STK3: variants seen among roughly 807,000 people sequenced by gnomAD.
STK3 encodes serine/threonine-protein kinase 3.
In STK3, 41 loss-of-function variants were observed where a neutral mutation model predicts 58.0. The ratio of observed to expected loss-of-function variants is 0.71; its 90% CI spans 0.55 to 0.92. The LOEUF (loss-of-function observed/expected upper bound fraction) is 0.92. Among genes scored for constraint, STK3 ranks in the 40% least tolerant of loss-of-function variants. The pLI, the probability that STK3 is intolerant of heterozygous loss-of-function variation, is 0.00. For missense variants in STK3, 479 were observed against 602.7 expected, an observed-to-expected ratio of 0.79 and a Z score of 2.15; for synonymous variants, 170 against 191.0, an observed-to-expected ratio of 0.89 and a Z score of 0.91.
At position 98,730,969 on chromosome 8, in the gene STK3, A is replaced by G. The variant is rs994815822; in HGVS notation, c.351+18307T>C. 1.8e-4 allele frequency among the ~76,000 whole-genome samples: 27 copies of G among 152,138 alleles called. 1 individual carries two copies. The highest frequency in any genetic ancestry group is 1.6e-3 in the Admixed American group (25 of 15,276). On this transcript the variant is annotated intron_variant, in intron 4 of 10. Transcript: ENST00000419617. ...ACTCTTGCACAGGCCCCACTATACA[A>G]TTGTGCCAAGATTTCTCAAAAGTAC...
At chr8:98,699,425 G>A (rs1292268017) in intron 6 of STK3, among the ~76,000 whole-genome samples, 3 of 151,672 alleles carry the variant, frequency 2.0e-5, no homozygotes, top group African/African-American at 4.8e-5. Context: ...TCCTTTGGAG[G>A]AGGAGAGGCA....
chr8:98,355,106 T>C, the STK3 span, among the ~76,000 whole-genome samples: 1 of 152,298 alleles, frequency 6.6e-6, no homozygotes, highest in Non-Finnish European at 1.5e-5. Context: ...TCAATAGGAA[T>C]CTTCCAGACT....
intron 1 of STK3, among the ~76,000 whole-genome samples, chr8:98,926,585 G>A (rs570680833): frequency 6.6e-6 from 1 of 152,150 alleles, no homozygotes; most frequent in Non-Finnish European, 1.5e-5. Context: ...CTATAATGCA[G>A]TAATATGGAC....
chr8:98,509,011 G>C (rs780120296), intron 10 of STK3, among the ~76,000 whole-genome samples: 1 of 151,920 alleles, frequency 6.6e-6, no homozygotes, highest in South Asian at 2.1e-4. Flanking sequence ...TTCAAAACTC[G>C]ACCCACATTT....
the STK3 span, among the ~76,000 whole-genome samples, chr8:98,347,043 AAGG>A: frequency 2.6e-5 from 4 of 151,876 alleles, no homozygotes; most frequent in African/African-American, 9.7e-5. Context: ...AAGCCCATAA[AAGG>A]AGAAGTGGAA....
At chr8:98,446,317 A>G (rs941799307) in intron 1 of STK3, among the ~76,000 whole-genome samples, 19 of 152,354 alleles carry the variant, frequency 1.2e-4, no homozygotes, top group African/African-American at 4.3e-4. Flanking sequence ...GTAGGAACAA[A>G]GCTGCCTTTA....
intron 3 of STK3, among the ~76,000 whole-genome samples, chr8:98,833,656 G>C (rs978920003): frequency 6.6e-6 from 1 of 152,204 alleles, no homozygotes; most frequent in Non-Finnish European, 1.5e-5. Flanking sequence ...TTGCTATAAA[G>C]AGTCTGTTCT....
At chr8:98,611,312 AAAC>A (rs1422217631) in intron 6 of STK3, among the ~76,000 whole-genome samples, 14 of 152,174 alleles carry the variant, frequency 9.2e-5, no homozygotes, top group African/African-American at 3.4e-4. Context: ...AACAAAAAAG[AAAC>A]AACTGAAAAT....
chr8:98,604,201 G>A (rs1405069784), intron 6 of STK3, among the ~76,000 whole-genome samples: 2 of 152,174 alleles, frequency 1.3e-5, no homozygotes, highest in African/African-American at 2.4e-5. Flanking sequence ...GGATAAAAAA[G>A]CTTCCCTGCC....
chr8:98,556,166 C>T (rs772453658), intron 8 of STK3, among the ~76,000 whole-genome samples: 1 of 152,018 alleles, frequency 6.6e-6, no homozygotes, highest in African/African-American at 2.4e-5. Context: ...GAATTTATAA[C>T]CATGGTTTAG....
intron 3 of STK3, among the ~76,000 whole-genome samples, chr8:98,835,051 C>G (rs549367772): frequency 1.3e-5 from 2 of 152,260 alleles, no homozygotes; most frequent in East Asian, 3.9e-4. Context: ...GTGGGTGAGG[C>G]AGCTAGACAG....
At chr8:98,661,215 T>C (rs1821941452) in intron 6 of STK3, among the ~76,000 whole-genome samples, 1 of 152,132 alleles carries the variant, frequency 6.6e-6, no homozygotes, top group East Asian at 1.9e-4. Flanking sequence ...ATTTCACTTC[T>C]AGAATAGAGA....
chr8:98,851,660 G>A (rs549815717), intron 3 of STK3, among the ~76,000 whole-genome samples: 7 of 152,240 alleles, frequency 4.6e-5, no homozygotes, highest in Admixed American at 4.6e-4. Flanking sequence ...GGAGGGTGAG[G>A]AGGAATAGAA....
rs917173214 is a variant in STK3 at position 98,378,643 on chromosome 8, A to G, written n.111+510T>C. Among the ~76,000 whole-genome samples, 4 of 152,208 alleles carry G rather than the reference A, an allele frequency of 2.6e-5. No individual in the cohort carries two copies. In the East Asian group the frequency reaches 7.7e-4, roughly 29 times the overall value. ...GTGTGAATAAATGATAGCTGTTTTT[A>G]TCAACCTCCTCTCCGCCTTCTCTTC... On this transcript the variant is annotated intron_variant and non_coding_transcript_variant, in intron 2 of 2. Coordinates refer to the STK3 transcript ENST00000518704.
At chr8:98,538,521 T>C (rs1809973009) in intron 9 of STK3, among the ~76,000 whole-genome samples, 1 of 152,098 alleles carries the variant, frequency 6.6e-6, no homozygotes, top group Non-Finnish European at 1.5e-5. Context: ...GCACAGAAAA[T>C]AGTGACCAGC....
At chr8:98,606,323 GTAT>G (rs1279504109) in intron 6 of STK3, 2 of 152,226 alleles carry the variant, frequency 1.3e-5, no homozygotes, top group Non-Finnish European at 2.9e-5. Flanking sequence ...GCAATATAGA[GTAT>G]TAATCAGATC....
intron 1 of STK3, among the ~76,000 whole-genome samples, chr8:98,923,733 C>A (rs1387765308): frequency 6.6e-6 from 1 of 151,982 alleles, no homozygotes; most frequent in African/African-American, 2.4e-5. Context: ...GTCTGGGGTA[C>A]CCTCCAAGTC....
At chr8:98,747,089 CAAA>C (rs561765459) in intron 4 of STK3, among the ~76,000 whole-genome samples, 3 of 78,650 alleles carry the variant, frequency 3.8e-5, no homozygotes, top group Non-Finnish European at 5.3e-5. Context: ...ACATTTTCAC[CAAA>C]AAAAAAAAAA....
chr8:98,353,374 C>T, the STK3 span, among the ~76,000 whole-genome samples: 6 of 152,052 alleles, frequency 3.9e-5, no homozygotes, highest in Admixed American at 1.3e-4. Flanking sequence ...GCCTGTGGTC[C>T]CAGCTACTTG....
Sources: allele counts gnomAD v4.1 joint callset (sites outside exome capture counted in the v4.1 genomes callset), GRCh38; gene constraint gnomAD v4.1.1; transcripts MANE v1.5; gene names NCBI Gene and HGNC (gene_info 2026-07-23, HGNC 2026-07-21).